Variants in DENND5B observed in about 807,000 individuals in gnomAD.
The protein encoded by DENND5B is DENN domain-containing protein 5B.
Under a neutral mutation model 140.6 loss-of-function variants are expected in DENND5B, and 34 were observed. The observed-to-expected ratio is 0.24, with a 90% confidence interval of 0.18 to 0.32. DENND5B has a LOEUF of 0.32. DENND5B is among the 10% of genes least tolerant of loss of function. The pLI is 1.00. For synonymous variants in DENND5B, 551 were observed against 562.1 expected, an observed-to-expected ratio of 0.98 and a Z score of 0.28; for missense variants, 1,142 against 1,560.2, an observed-to-expected ratio of 0.73 and a Z score of 4.52.
intron 1 of DENND5B, among the ~76,000 whole-genome samples, chr12:31,580,226 TA>T (rs916179733): frequency 5.3e-5 from 8 of 151,186 alleles, no homozygotes; most frequent in Non-Finnish European, 7.4e-5. Flanking sequence ...CATGTTTGCT[TA>T]AAAAAAAATC....
intron 7 of DENND5B, among the ~76,000 whole-genome samples, chr12:31,435,953 A>G (rs1565576169): frequency 6.6e-6 from 1 of 151,844 alleles, no homozygotes; most frequent in Non-Finnish European, 1.5e-5. Flanking sequence ...CAAGCCACCA[A>G]TGCTCAGCTA....
Position 31,590,937 on chromosome 12 carries a change from C to T in DENND5B, c.-105G>A. 9.0e-7 allele frequency: 1 copy of T among 1,111,780 alleles called. No homozygotes were observed. The highest frequency in any genetic ancestry group is 1.1e-6 in the Non-Finnish European group (1 of 908,608). 68.9% of individuals were successfully genotyped at this position (1,111,780 alleles called of 1,614,324 possible). On this transcript the variant is annotated 5_prime_UTR_variant, in exon 1 of 21. Coordinates refer to ENST00000389082, the MANE Select transcript of DENND5B (RefSeq NM_144973.4). ...TGTGGTCTGTGCGCCCGCCCTAGGG[C>T]GACACTGGCGCGCCCATGGCCGCGC...
intron 17 of DENND5B, among the ~76,000 whole-genome samples, chr12:31,393,667 T>C (rs1170358050): frequency 6.6e-6 from 1 of 152,168 alleles, no homozygotes; most frequent in African/African-American, 2.4e-5. Flanking sequence ...TTCATACTGC[T>C]CAAGGATTTC....
intron 1 of DENND5B, chr12:31,499,820 T>G (rs942989130): frequency 3.7e-6 from 2 of 543,536 alleles, no homozygotes; most frequent in East Asian, 6.5e-5. Flanking sequence ...TTAACACCAA[T>G]GGAATGTAGC....
chr12:31,497,977 AAGAG>A (rs914565645), intron 1 of DENND5B, among the ~76,000 whole-genome samples: 3 of 149,594 alleles, frequency 2.0e-5, no homozygotes, highest in Non-Finnish European at 4.5e-5. Context: ...AAGGGAAAGA[AAGAG>A]AGGAAAGAAA....
At position 31,387,610 on chromosome 12, in the gene DENND5B, T is replaced by A; in HGVS notation, c.3818A>T (p.Asp1273Val). 2 of 1,613,324 alleles carry A rather than the reference T, an allele frequency of 1.2e-6. No individual in the cohort carries two copies. Among genetic ancestry groups the A allele is most frequent in the Middle Eastern group, 3.3e-4 (2 of 6,054 alleles). ...VLEGSLIKGV[D>V]V is the part of the protein sequence containing the mutation. Reference sequence around the variant, plus strand: ...AGTTTCTAGCCAGTTGGGTTACACATCCACTCCTTTGATGAGTGATCCTTC... The same window carrying A: ...AGTTTCTAGCCAGTTGGGTTACACAACCACTCCTTTGATGAGTGATCCTTC... Residue 1273 changes from aspartate (D) to valine (V), a missense_variant, in exon 21 of 21, where the codon GAT (aspartate) becomes GTT (valine). By Grantham distance (152) the Asp-to-Val change is radical (BLOSUM62 -3). Coordinates refer to ENST00000389082, the MANE Select transcript of DENND5B (RefSeq NM_144973.4).
chr12:31,578,887 T>C (rs1276766425), intron 1 of DENND5B, among the ~76,000 whole-genome samples: 1 of 152,172 alleles, frequency 6.6e-6, no homozygotes, highest in African/African-American at 2.4e-5. Flanking sequence ...TTCTCATCTA[T>C]CAAATGAGAA....
intron 1 of DENND5B, among the ~76,000 whole-genome samples, chr12:31,575,830 G>A (rs1714587832): frequency 6.6e-6 from 1 of 152,096 alleles, no homozygotes; most frequent in Non-Finnish European, 1.5e-5. Flanking sequence ...GCAGGGCACG[G>A]TGGTACATGC....
At chr12:31,553,199 T>C (rs1949138126) in intron 1 of DENND5B, among the ~76,000 whole-genome samples, 1 of 152,220 alleles carries the variant, frequency 6.6e-6, no homozygotes, top group Non-Finnish European at 1.5e-5. Context: ...TGTGGACATT[T>C]AGTGCTATAA....
At chr12:31,387,826 C>G in intron 20 of DENND5B, 40 bp from the exon 21 acceptor site, 2 of 1,586,808 alleles carry the variant, frequency 1.3e-6, no homozygotes, top group Non-Finnish European at 1.7e-6. Flanking sequence ...GCATTGCTGG[C>G]CTCGCTGCAG....
At chr12:31,553,359 G>A (rs1949145668) in intron 1 of DENND5B, among the ~76,000 whole-genome samples, 2 of 152,180 alleles carry the variant, frequency 1.3e-5, no homozygotes, top group Admixed American at 6.5e-5. Context: ...CAGTTTCCAT[G>A]TAGTTGAGTG....
chr12:31,536,659 A>G (rs940439129), intron 1 of DENND5B, among the ~76,000 whole-genome samples: 1 of 127,734 alleles, frequency 7.8e-6, no homozygotes, highest in Non-Finnish European at 1.6e-5. Flanking sequence ...AGATGTATTT[A>G]AAAAAAAAAG....
chr12:31,564,352 C>T (rs1455881647), intron 1 of DENND5B, among the ~76,000 whole-genome samples: 4 of 151,658 alleles, frequency 2.6e-5, no homozygotes, highest in African/African-American at 9.7e-5. Context: ...AGACTGGCTG[C>T]CAGAAGGTAA....
intron 1 of DENND5B, among the ~76,000 whole-genome samples, chr12:31,520,733 G>C (rs567889191): frequency 6.6e-6 from 1 of 151,992 alleles, no homozygotes; most frequent in Admixed American, 6.6e-5. Context: ...ATAGAGACAG[G>C]GTTTCACTGT....
At position 31,424,564 on chromosome 12, in the gene DENND5B, T is replaced by C. The variant is rs761374229; in HGVS notation, c.2362A>G (p.Ile788Val). 7.4e-5 allele frequency: 120 copies of C among 1,613,746 alleles called. No individual in the cohort carries two copies. The highest frequency in any genetic ancestry group is 9.9e-5 in the Non-Finnish European group (117 of 1,179,874). Reference sequence around the variant, plus strand: ...TTGACCTGCAAGCCATGGCTCCATATCCTCTCCAGCAGGTCACAAAGGCTG... The same window carrying C: ...TTGACCTGCAAGCCATGGCTCCATACCCTCTCCAGCAGGTCACAAAGGCTG... ...IASLCDLLERIWSHGLQVKQG... is the reference protein window; with the variant it reads ...IASLCDLLERVWSHGLQVKQG... Residue 788 changes from isoleucine to valine, a missense_variant, in exon 10 of 21, where the codon ATA becomes GTA. Ile to Val is a conservative substitution (Grantham distance 29). This residue lies in a region of DENND5B where 33 missense variants were observed against 90.8 expected (regional missense o/e 0.36). Transcript: ENST00000389082.
In DENND5B at chr12:31,402,576, A is replaced by G. The variant is rs1423985302; in HGVS notation, c.2871T>C (p.Pro957=). Residue 957 remains proline, a synonymous_variant, in exon 15 of 21, where the codon CCT becomes CCC. Coordinates refer to ENST00000389082, the MANE Select transcript of DENND5B (RefSeq NM_144973.4). The part of the protein sequence containing the change: ...KLSNAIITSN[P]WICVSGELGD... ...CCAGCTCTCCTGATACACAGATCCAAGGGTTTGATGTGATTATTGCATTGC... is the reference window on the plus strand; with the variant it reads ...CCAGCTCTCCTGATACACAGATCCAGGGGTTTGATGTGATTATTGCATTGC... The G allele has an allele frequency of 9.3e-6, 15 of 1,613,920 alleles. No individual in the cohort carries two copies. Among genetic ancestry groups the G allele is most frequent in the Non-Finnish European group, 1.2e-5 (14 of 1,179,860 alleles).
At chr12:31,574,295 A>AATAATAATTATTATT (rs374578025) in intron 1 of DENND5B, among the ~76,000 whole-genome samples, 23 of 144,590 alleles carry the variant, frequency 1.6e-4, no homozygotes, top group Admixed American at 1.0e-3. Flanking sequence ...TAATAATAAT[A>AATAATAATTATTATT]ATTTAAAAGG....
At chr12:31,545,784 G>A (rs1467503520) in intron 1 of DENND5B, among the ~76,000 whole-genome samples, 1 of 151,706 alleles carries the variant, frequency 6.6e-6, no homozygotes. Context: ...TGAAACCCAT[G>A]TCTACAAAAC....
rs998383355 is a variant in DENND5B, at chr12:31,591,003, C to T, written c.-171G>A. 5.6e-6 allele frequency: 4 copies of T among 711,172 alleles called. No homozygotes were observed. Among genetic ancestry groups the T allele is most frequent in the Non-Finnish European group, 7.0e-6 (4 of 574,990 alleles). 44.1% of individuals were successfully genotyped at this position (711,172 alleles called of 1,614,324 possible). A position where few individuals can be genotyped will look rare whatever the true frequency, so the allele number is the denominator to read the frequency against. On this transcript the variant is annotated 5_prime_UTR_variant, in exon 1 of 21. Transcript: ENST00000389082. ...CCGCAGCCTGCCTCCTCGCTCGGCGCGGGGGAAGCGGCCGCGGGCTCGCGC... is the reference window on the plus strand; with the variant it reads ...CCGCAGCCTGCCTCCTCGCTCGGCGTGGGGGAAGCGGCCGCGGGCTCGCGC...
Sources: gnomAD v4.1 joint callset for allele counts (sites outside exome capture counted in the v4.1 genomes callset) on GRCh38, gnomAD v4.1.1 for gene constraint, gnomAD v4.1.1 regional missense constraint, MANE v1.5 for transcripts, NCBI Gene and HGNC (gene_info 2026-07-23, HGNC 2026-07-21) for gene names.